The following IL18 variants were observed in gnomAD, a reference collection of about 807,000 sequenced individuals.
IL18 encodes the protein interleukin-18.
A neutral mutation model predicts 14.2 loss-of-function variants in IL18; 8 were observed. The observed-to-expected ratio is 0.56, with a 90% CI of 0.33 to 1.01. The LOEUF (loss-of-function observed/expected upper bound fraction) is 1.01. Ranked by LOEUF, IL18 falls within the 50% of genes least tolerant of loss-of-function variation. The pLI is 0.03. For synonymous variants in IL18, 67 were observed against 71.0 expected, an observed-to-expected ratio of 0.94 and a Z score of 0.28; for missense variants, 166 against 231.1, an observed-to-expected ratio of 0.72 and a Z score of 1.83.
At chr11:112,151,498 C>A (rs1265959265) in intron 3 of IL18, among the ~76,000 whole-genome samples, 1 of 151,998 alleles carries the variant, frequency 6.6e-6, no homozygotes, top group African/African-American at 2.4e-5. Flanking sequence ...TTTTCATAAT[C>A]AAAAAAGCAC....
intron 1 of IL18, 84 bp from the exon 2 acceptor site, chr11:112,155,145 C>A: frequency 2.7e-6 from 2 of 741,020 alleles, no homozygotes; most frequent in South Asian, 1.7e-5. Context: ...GTTCAGTGGT[C>A]AGTTAATCAC....
intron 3 of IL18, among the ~76,000 whole-genome samples, chr11:112,151,465 A>G (rs966214006): frequency 5.3e-5 from 8 of 152,032 alleles, no homozygotes; most frequent in Non-Finnish European, 1.2e-4. Flanking sequence ...TCATTGCCTC[A>G]ATTAGTTACA....
chr11:112,148,026 A>G (rs1220318234), intron 5 of IL18, among the ~76,000 whole-genome samples: 2 of 152,198 alleles, frequency 1.3e-5, no homozygotes, highest in Non-Finnish European at 2.9e-5. Flanking sequence ...GCTTGAAGAT[A>G]ATTATAGCAT....
chr11:112,153,677 G>T, intron 2 of IL18, 74 bp from the exon 3 acceptor site: 1 of 1,109,772 alleles, frequency 9.0e-7, no homozygotes, highest in Non-Finnish European at 1.3e-6. Context: ...TCTCATTCTA[G>T]CTTTTACTTT....
At chr11:112,148,481 T>C in intron 5 of IL18, 122 bp downstream of exon 5, 1 of 426,124 alleles carries the variant, frequency 2.3e-6, no homozygotes, top group East Asian at 4.3e-5. Flanking sequence ...GACAAAAGGT[T>C]GGTCTGAGGA....
At chr11:112,159,594 G>GAA (rs1488144514) in intron 1 of IL18, among the ~76,000 whole-genome samples, 1 of 152,076 alleles carries the variant, frequency 6.6e-6, no homozygotes, top group South Asian at 2.1e-4. Context: ...CATTCATTAA[G>GAA]AAAAAAGAAC....
At chr11:112,162,341 CTTTTTTTTT>C (rs140882241) in intron 1 of IL18, among the ~76,000 whole-genome samples, 1 of 131,196 alleles carries the variant, frequency 7.6e-6, no homozygotes, top group Non-Finnish European at 1.6e-5. Context: ...CTTTTCTTTT[CTTTTTTTTT>C]TTTTTTTTGA....
At chr11:112,160,379 C>T (rs959216788) in intron 1 of IL18, among the ~76,000 whole-genome samples, 3 of 146,670 alleles carry the variant, frequency 2.0e-5, no homozygotes, top group Non-Finnish European at 3.0e-5. Flanking sequence ...TTTAATAGTT[C>T]CTCTAGGAAA....
chr11:112,147,670 G>C (rs548745531), intron 5 of IL18, among the ~76,000 whole-genome samples: 229 of 152,308 alleles, frequency 1.5e-3, no homozygotes, highest in Middle Eastern at 6.8e-3. Flanking sequence ...CATATGCACT[G>C]TTCTTACTTG....
In IL18 at chr11:112,143,787, T is replaced by C; in HGVS notation, c.391A>G (p.Thr131Ala). The change falls in exon 6 of 6, where the codon ACA (threonine) becomes GCA (alanine). Residue 131 changes from threonine to alanine, a missense_variant. Physicochemically the swap from Thr to Ala is moderately conservative, Grantham distance 58. Coordinates refer to ENST00000280357, the MANE Select transcript of IL18 (RefSeq NM_001562.4). ...EMNPPDNIKD[T>A]KSDIIFFQRS... is the part of the protein sequence containing the mutation. ...TGAAAGAATATGATGTCACTTTTTG[T>C]ATCCTTGATGTTATCAGGAGGATTC... 1 of 1,610,156 alleles carries C rather than the reference T, an allele frequency of 6.2e-7. No homozygotes were observed. The highest frequency in any genetic ancestry group is 1.3e-5 in the African/African-American group (1 of 74,982).
At chr11:112,149,558 G>GTTTTTTTTTTTTTTTTTTTT (rs561459069) in intron 4 of IL18, among the ~76,000 whole-genome samples, 1 of 99,374 alleles carries the variant, frequency 1.0e-5, no homozygotes. Flanking sequence ...CTTTTCTTAA[G>GTTTTTTTTTTTTTTTTTTTT]TTTTTTTTTT....
In IL18 at chr11:112,149,645, G is replaced by A. The variant is rs185381153; in HGVS notation, c.226+427C>T. On this transcript the variant is annotated intron_variant, in intron 4 of 5. Transcript: ENST00000280357. Reference sequence around the variant, plus strand: ...GAGTGCAGTGGCTATTCACAGGTACGATCACAGTGTACTACAGCCTCAAAG... The same window carrying A: ...GAGTGCAGTGGCTATTCACAGGTACAATCACAGTGTACTACAGCCTCAAAG... Among the ~76,000 whole-genome samples, 51 of 142,350 alleles carry A rather than the reference G, an allele frequency of 3.6e-4. No homozygotes were observed. In the East Asian group the frequency reaches 1.0e-2, roughly 28 times the overall value. 93.4% of individuals were successfully genotyped at this position (142,350 alleles called of 152,430 possible).
intron 3 of IL18, 81 bp downstream of exon 3, chr11:112,153,510 TC>T: frequency 1.1e-6 from 1 of 927,868 alleles, no homozygotes; most frequent in Non-Finnish European, 1.6e-6. Context: ...TTTTTTTTTT[TC>T]CTCAGCTGAC....
intron 5 of IL18, among the ~76,000 whole-genome samples, chr11:112,147,052 T>G (rs983415944): frequency 1.5e-4 from 23 of 150,800 alleles, no homozygotes; most frequent in Non-Finnish European, 2.4e-4. Context: ...TGCCTCAGCC[T>G]CCCGAGTAGC....
chr11:112,157,457 A>G (rs183867370), intron 1 of IL18, among the ~76,000 whole-genome samples: 19 of 152,372 alleles, frequency 1.2e-4, no homozygotes, highest in Middle Eastern at 3.4e-3. Context: ...TGTGGCCAGT[A>G]GCTGACCAAA....
intron 5 of IL18, among the ~76,000 whole-genome samples, chr11:112,144,392 T>A (rs889718409): frequency 2.0e-5 from 3 of 152,090 alleles, no homozygotes; most frequent in African/African-American, 7.2e-5. Context: ...ACCACCACAT[T>A]TGGCTAATTT....
intron 5 of IL18, among the ~76,000 whole-genome samples, chr11:112,146,905 G>T (rs915285508): frequency 4.1e-5 from 6 of 147,224 alleles, no homozygotes; most frequent in Non-Finnish European, 7.5e-5. Context: ...AAATTATTAA[G>T]CTTATGCCTT....
rs199733090 is a variant in IL18, at chr11:112,150,111, G to C, written c.187C>G (p.Arg63Gly). The change falls in exon 4 of 6, where the codon CGG becomes GGG. Residue 63 changes from arginine (R) to glycine (G), a missense_variant. Arg to Gly is a moderately radical substitution (Grantham distance 125, BLOSUM62 -2). Transcript: ENST00000280357. ...DQVLFIDQGNRPLFEDMTDSD... is the reference protein window; with the variant it reads ...DQVLFIDQGNGPLFEDMTDSD... ...TCAGTCATATCTTCAAATAGAGGCC[G>C]ATTTCCTTGGTCAATGAAGAGAACT... 1.2e-5 allele frequency: 19 copies of C among 1,610,096 alleles called. No individual in the cohort carries two copies. The highest frequency in any genetic ancestry group is 1.6e-5 in the Non-Finnish European group (19 of 1,178,246).
chr11:112,154,559 A>C (rs746252739), intron 2 of IL18, among the ~76,000 whole-genome samples: 6 of 152,186 alleles, frequency 3.9e-5, no homozygotes, highest in Non-Finnish European at 8.8e-5. Context: ...ATTTACATAA[A>C]ATGGTGTAAT....
Sources: gnomAD v4.1 joint callset for allele counts (sites outside exome capture counted in the v4.1 genomes callset) on GRCh38, gnomAD v4.1.1 for gene constraint, MANE v1.5 for transcripts, NCBI Gene and HGNC (gene_info 2026-07-23, HGNC 2026-07-21) for gene names.